Variants in CYP20A1 observed in about 807,000 individuals in gnomAD.
CYP20A1 encodes the protein cytochrome P450 20A1.
CYP20A1 carries 61 observed loss-of-function variants against 61.4 expected under a neutral mutation model. The observed-to-expected ratio is 0.99, with a 90% CI of 0.81 to 1.23. The LOEUF (loss-of-function observed/expected upper bound fraction) is 1.23. Among genes scored for constraint, CYP20A1 ranks in the 50% most tolerant of loss-of-function variants. CYP20A1 has a pLI of 0.00. For synonymous variants in CYP20A1, 193 were observed against 188.2 expected (o/e 1.03, Z -0.21); for missense variants, 530 against 542.4 (o/e 0.98, Z 0.23).
intron 4 of CYP20A1, among the ~76,000 whole-genome samples, chr2:203,260,256 T>A (rs1252566676): frequency 6.6e-6 from 1 of 151,794 alleles, no homozygotes. Context: ...ACAGTGTCAC[T>A]CTGTCGTCCA....
chr2:203,271,633 C>T (rs992691303), intron 5 of CYP20A1, among the ~76,000 whole-genome samples: 2 of 152,138 alleles, frequency 1.3e-5, no homozygotes, highest in East Asian at 3.9e-4. Flanking sequence ...ATCCAAATCT[C>T]AGACTTTTAA....
chr2:203,265,611 A>T (rs1333899764), intron 4 of CYP20A1, among the ~76,000 whole-genome samples: 2 of 152,098 alleles, frequency 1.3e-5, no homozygotes, highest in African/African-American at 4.8e-5. Flanking sequence ...AAGATAAGGG[A>T]TTTTGATTCT....
intron 3 of CYP20A1, among the ~76,000 whole-genome samples, chr2:203,247,143 C>A (rs1014440671): frequency 1.3e-5 from 2 of 152,044 alleles, no homozygotes; most frequent in African/African-American, 4.8e-5. Flanking sequence ...CACCTGTAAT[C>A]CCAGCTACTT....
chr2:203,300,379 GTGTTCTT>G lies in CYP20A1; in HGVS notation c.*3475_*3481del, dbSNP rs990306378. On this transcript the variant is annotated 3_prime_UTR_variant, in exon 13 of 13. Transcript: ENST00000356079. ...TTCACAGTAAGAATGACAAAAATCT[GTGTTCTT>G]TGTACTTATCAAGTGACTCAAATTT... 5.4e-4 allele frequency among the ~76,000 whole-genome samples: 82 copies of G among 152,254 alleles called. No individual in the cohort carries two copies. The highest frequency in any genetic ancestry group is 1.9e-3 in the African/African-American group (77 of 41,542).
chr2:203,243,853 G>A (rs182315453), intron 1 of CYP20A1, among the ~76,000 whole-genome samples: 16 of 151,090 alleles, frequency 1.1e-4, no homozygotes, highest in Admixed American at 2.6e-4. Flanking sequence ...TGCACCCGGC[G>A]AATTTTTTGT....
In CYP20A1 at chr2:203,298,391, AAAAAAAC is replaced by A. The variant is rs1188587000; in HGVS notation, c.*1497_*1503del. The A allele has an allele frequency of 5.9e-5, 11 of 185,704 alleles. No individual in the cohort carries two copies. The highest frequency in any genetic ancestry group is 7.8e-5 in the Non-Finnish European group (7 of 89,548). 11.5% of individuals were successfully genotyped at this position (185,704 alleles called of 1,614,324 possible). ...GGCAACAGAGCAAAACCCTGCCTTTAAAAAAACAAAAAACAAAAAAGGCCGGGCTCGG... is the reference window on the plus strand; with the variant it reads ...GGCAACAGAGCAAAACCCTGCCTTTAAAAAAACAAAAAAGGCCGGGCTCGG... On this transcript the variant is annotated 3_prime_UTR_variant, in exon 13 of 13. Transcript: ENST00000356079.
At position 203,302,845 on chromosome 2, in the gene CYP20A1, A is replaced by G. The variant is rs1317506144; in HGVS notation, c.*5937A>G. On this transcript the variant is annotated 3_prime_UTR_variant, in exon 13 of 13. Transcript: ENST00000356079. ...GTAACTGGGGTTACAGGCGCGTGCC[A>G]TCACACCCAGCTCATTTTTGTATTT... Among the ~76,000 whole-genome samples the G allele has an allele frequency of 6.6e-6, 1 of 151,828 alleles. No homozygotes were observed. Among genetic ancestry groups the G allele is most frequent in the Non-Finnish European group, 1.5e-5 (1 of 67,984 alleles).
chr2:203,294,940 AATTTTTTT>A (rs2068716638), intron 11 of CYP20A1, among the ~76,000 whole-genome samples: 6 of 91,248 alleles, frequency 6.6e-5, no homozygotes, highest in Non-Finnish European at 6.1e-5. Context: ...CCTTTAAAAA[AATTTTTTT>A]TTTTTTTTTT....
intron 9 of CYP20A1, among the ~76,000 whole-genome samples, chr2:203,286,746 C>T (rs536016709): frequency 1.3e-4 from 20 of 152,134 alleles, no homozygotes; most frequent in Admixed American, 6.5e-4. Flanking sequence ...GTTGTAGTTA[C>T]GCAATTGTAT....
chr2:203,251,793 G>GTGTATATATATATATATATATA (rs1553513992), intron 3 of CYP20A1, among the ~76,000 whole-genome samples, 174 bp from the exon 4 acceptor site: 1 of 64,178 alleles, frequency 1.6e-5, no homozygotes, highest in African/African-American at 4.1e-5. Context: ...ATATATATGT[G>GTGTATATATATATATATATATA]TATATATATA....
rs1348929576 is a variant in CYP20A1, at chr2:203,300,914, C to T, written c.*4006C>T. ...CAGAAAAAAAAAAAAAAAAAAAAAA[C>T]GGCCAGGCGAGGTGGCTCACACCTG... On this transcript the variant is annotated 3_prime_UTR_variant, in exon 13 of 13. Coordinates refer to ENST00000356079, the MANE Select transcript of CYP20A1 (RefSeq NM_177538.3). 5.6e-5 allele frequency among the ~76,000 whole-genome samples: 6 copies of T among 106,468 alleles called. No individual in the cohort carries two copies. The highest frequency in any genetic ancestry group is 3.1e-4 in the Admixed American group (3 of 9,644). 69.8% of individuals were successfully genotyped at this position (106,468 alleles called of 152,430 possible).
intron 4 of CYP20A1, among the ~76,000 whole-genome samples, chr2:203,258,155 G>A (rs1398259775): frequency 1.3e-5 from 2 of 152,084 alleles, no homozygotes; most frequent in East Asian, 1.9e-4. Flanking sequence ...CTCCTGCCTC[G>A]GGCTCCCGAA....
chr2:203,271,082 A>ATATATATTTTT (rs1178482961), intron 5 of CYP20A1, among the ~76,000 whole-genome samples: 5 of 31,642 alleles, frequency 1.6e-4, no homozygotes, highest in Non-Finnish European at 2.3e-4. Context: ...ATATATATAT[A>ATATATATTTTT]TTTTTTTTTT....
At chr2:203,272,550 C>CAAAAAA (rs368688435) in intron 5 of CYP20A1, 120 bp from the exon 6 acceptor site, 5 of 132,342 alleles carry the variant, frequency 3.8e-5, no homozygotes, top group Non-Finnish European at 5.2e-5. Context: ...AACCCTGACT[C>CAAAAAA]AAAAAAAAAA....
At chr2:203,295,576 C>T (rs1340280400) in intron 11 of CYP20A1, among the ~76,000 whole-genome samples, 2 of 152,068 alleles carry the variant, frequency 1.3e-5, no homozygotes, top group African/African-American at 2.4e-5. Context: ...CCTTATATTT[C>T]ACAAAATAAT....
rs1406678499 is a variant in CYP20A1 at position 203,296,522 on chromosome 2, C to T, written c.1197C>T (p.Ser399=). 1.2e-6 allele frequency: 2 copies of T among 1,612,742 alleles called. No individual in the cohort carries two copies. Among genetic ancestry groups the T allele is most frequent in the Non-Finnish European group, 1.7e-6 (2 of 1,179,340 alleles). The change falls in exon 12 of 13, where the codon TCC becomes TCT. Residue 399 remains serine (S), a synonymous_variant. Transcript: ENST00000356079. ...ATGAATTAGTAATGAAAACTTTTTCCTCACTTGGATTCTCAGGCACACAGG... is the reference window on the plus strand; with the variant it reads ...ATGAATTAGTAATGAAAACTTTTTCTTCACTTGGATTCTCAGGCACACAGG... ...FDDELVMKTF[S]SLGFSGTQEC...
chr2:203,262,812 G>A (rs1447668558), intron 4 of CYP20A1, among the ~76,000 whole-genome samples: 2 of 147,254 alleles, frequency 1.4e-5, no homozygotes, highest in African/African-American at 2.5e-5. Context: ...CCTCAGCCTC[G>A]TGAGTAGCTG....
chr2:203,272,609 C>T lies in CYP20A1; in HGVS notation c.601-61C>T, dbSNP rs774279635. On this transcript the variant is annotated intron_variant, in intron 5 of 12. Transcript: ENST00000356079. ...TCCTAAGTCATTAGGTTACATTGCT[C>T]TGTATTATTTTTAAAATTCTACCTA... 2.9e-5 allele frequency: 22 copies of T among 758,716 alleles called. No homozygotes were observed. In the South Asian group the frequency reaches 3.8e-4, roughly 13 times the overall value. The allele number at this position is 758,716 out of a possible 1,614,324, so 47.0% of individuals were successfully genotyped here. A position where few individuals can be genotyped will look rare whatever the true frequency, so the allele number is the denominator to read the frequency against.
chr2:203,292,540 C>T (rs144866984), intron 11 of CYP20A1, among the ~76,000 whole-genome samples: 1 of 152,304 alleles, frequency 6.6e-6, no homozygotes, highest in East Asian at 1.9e-4. Flanking sequence ...CTCACTGCAG[C>T]TTCGACCTCT....
Sources: gnomAD v4.1 joint callset for allele counts (sites outside exome capture counted in the v4.1 genomes callset) on GRCh38, gnomAD v4.1.1 for gene constraint, MANE v1.5 for transcripts, NCBI Gene and HGNC (gene_info 2026-07-23, HGNC 2026-07-21) for gene names.